RAP1GAP: variants seen among roughly 807,000 people sequenced by gnomAD.
The protein encoded by RAP1GAP is RAP1 GTPase activating protein.
RAP1GAP carries 35 observed loss-of-function variants against 87.2 expected under a neutral mutation model. The observed-to-expected ratio is 0.40, with a 90% confidence interval of 0.31 to 0.53. The LOEUF (loss-of-function observed/expected upper bound fraction) is 0.53, where lower values mean the gene tolerates loss of function less well. RAP1GAP is among the 20% of genes least tolerant of loss of function. The pLI, the probability that RAP1GAP is intolerant of heterozygous loss-of-function variation, is 0.48. For synonymous variants in RAP1GAP, 375 were observed against 363.9 expected (o/e 1.03, Z -0.35); for missense variants, 734 against 898.9 (o/e 0.82, Z 2.35).
chr1:21,605,138 C>G (rs1570520531), intron 18 of RAP1GAP, among the ~76,000 whole-genome samples: 3 of 152,098 alleles, frequency 2.0e-5, no homozygotes, highest in Admixed American at 6.5e-5. Flanking sequence ...AGGCAGTGGA[C>G]AGCAGTGAGG....
intron 2 of RAP1GAP, among the ~76,000 whole-genome samples, chr1:21,647,795 G>A (rs1460725843): frequency 6.6e-6 from 1 of 152,174 alleles, no homozygotes; most frequent in Non-Finnish European, 1.5e-5. Context: ...ATGGGGGTGT[G>A]GGGATCAAGA....
chr1:21,601,738 T>C lies in RAP1GAP; in HGVS notation c.1598A>G (p.Lys533Arg). Residue 533 changes from lysine (K) to arginine (R), a missense_variant, in exon 20 of 25, where the codon AAG (lysine) becomes AGG (arginine). Physicochemically the swap from Lys to Arg is conservative, Grantham distance 26. Around this residue, in one of 2 missense-constraint regions of RAP1GAP, gnomAD observed 249 missense variants for 252.7 expected, o/e 0.99. Transcript: ENST00000374765. ...PDSGHVSQEPKSENSSTQSSP... is the reference protein window; with the variant it reads ...PDSGHVSQEPRSENSSTQSSP... ...GCTCTGAGTGGATGAGTTCTCCGAC[T>C]TGGGCTCCTGTGAGACGTGCCCGCT... The C allele has an allele frequency of 1.2e-6, 2 of 1,612,368 alleles. No homozygotes were observed. Among genetic ancestry groups the C allele is most frequent in the Non-Finnish European group, 1.7e-6 (2 of 1,178,876 alleles).
Position 21,669,207 on chromosome 1 carries a change from G to A in RAP1GAP, c.-149+47C>T. ...AGCCGACGGGAGTCTGGACACCTCTGTCCCCTTCCCCTTTCCAGGGCCGCA... is the reference window on the plus strand; with the variant it reads ...AGCCGACGGGAGTCTGGACACCTCTATCCCCTTCCCCTTTCCAGGGCCGCA... On this transcript the variant is annotated intron_variant, in intron 1 of 24. Transcript: ENST00000374765. This position sits in a 1 kb window ranked among gnomAD's most constrained non-coding sequence, Gnocchi z 5.6. 1 of 1,251,168 alleles carries A rather than the reference G, an allele frequency of 8.0e-7. No individual in the cohort carries two copies. The highest frequency in any genetic ancestry group is 1.0e-6 in the Non-Finnish European group (1 of 972,936). 77.5% of individuals were successfully genotyped at this position (1,251,168 alleles called of 1,614,324 possible).
intron 21 of RAP1GAP, 149 bp from the exon 22 acceptor site, chr1:21,598,651 G>C (rs1386722736): frequency 3.0e-6 from 2 of 669,524 alleles, no homozygotes; most frequent in Non-Finnish European, 5.1e-6. Flanking sequence ...GTCTGCCCCA[G>C]GGAGACCACA....
rs1570460365 is a variant in RAP1GAP at position 21,602,731 on chromosome 1, C to T, written c.1538+73G>A. The T allele has an allele frequency of 1.1e-5, 15 of 1,364,160 alleles. No homozygotes were observed. In the Admixed American group the frequency reaches 2.2e-4, roughly 20 times the overall value. The allele number at this position is 1,364,160 out of a possible 1,614,324, so 84.5% of individuals were successfully genotyped here. ...AGGGGCGGGCACTCCCTTCTGCCTG[C>T]CTTGCTTTGCCACCGAATGGGGCTC... On this transcript the variant is annotated intron_variant, in intron 19 of 24. Coordinates refer to ENST00000374765, the MANE Select transcript of RAP1GAP (RefSeq NM_002885.4).
chr1:21,631,832 C>T (rs1254039451), intron 2 of RAP1GAP, among the ~76,000 whole-genome samples: 4 of 152,196 alleles, frequency 2.6e-5, no homozygotes, highest in Non-Finnish European at 5.9e-5. Flanking sequence ...AGATGTGACT[C>T]CAGTCCAGTG....
rs775565212 is a variant in RAP1GAP at position 21,613,014 on chromosome 1, C to G, written c.528+162G>C. On this transcript the variant is annotated intron_variant, in intron 10 of 24. Coordinates refer to ENST00000374765, the MANE Select transcript of RAP1GAP (RefSeq NM_002885.4). This position sits in a 1 kb window ranked among gnomAD's most constrained non-coding sequence, Gnocchi z 4.7. The stretch of plus-strand genomic sequence containing the variant: ...CCCTGGGGGAAGGCACAGGCCCTTT[C>G]GGTGGCTCCTCTTCTGCAAATTGTG... 18 of 765,182 alleles carry G rather than the reference C, an allele frequency of 2.4e-5. No individual in the cohort carries two copies. The highest frequency in any genetic ancestry group is 3.8e-5 in the Non-Finnish European group (17 of 449,328). The allele number at this position is 765,182 out of a possible 1,614,324, so 47.4% of individuals were successfully genotyped here. A position where few individuals can be genotyped will look rare whatever the true frequency, so the allele number is the denominator to read the frequency against.
At chr1:21,626,605 G>C (rs1442483458) in intron 2 of RAP1GAP, among the ~76,000 whole-genome samples, 1 of 152,192 alleles carries the variant, frequency 6.6e-6, no homozygotes, top group African/African-American at 2.4e-5. Flanking sequence ...CAGAGACGTG[G>C]ACAGGGTCTC....
At chr1:21,616,787 T>TTGGCTGCTGTATACCTGGTGCC (rs1553451931) in intron 7 of RAP1GAP, among the ~76,000 whole-genome samples, 2 of 152,240 alleles carry the variant, frequency 1.3e-5, no homozygotes, top group African/African-American at 4.8e-5. Context: ...GTCTATTGTG[T>TTGGCTGCTGTATACCTGGTGCC]TGGCTGCTGT....
rs2079935357 is a variant in RAP1GAP at position 21,613,650 on chromosome 1, G to A, written c.452C>T (p.Pro151Leu). 5.0e-6 allele frequency: 8 copies of A among 1,613,616 alleles called. No individual in the cohort carries two copies. In the South Asian group the frequency reaches 7.7e-5, roughly 16 times the overall value. ...CACCTTTGCCATCTGGACAACATTA[G>A]GGAACTCGGTGAGGCAGGAGATGGG... is the stretch of plus-strand genomic sequence containing the variant. ...VIPISCLTEF[P>L]NVVQMAKLVC... The change falls in exon 9 of 25, where the codon CCT becomes CTT. Residue 151 changes from proline to leucine, a missense_variant. Physicochemically the swap from Pro to Leu is moderately conservative, Grantham distance 98. This residue lies in a region of RAP1GAP where 485 missense variants were observed against 646.2 expected (regional missense o/e 0.75). Transcript: ENST00000374765. The surrounding 1 kb of genome is among the most constrained non-coding windows in gnomAD (Gnocchi z 4.7).
chr1:21,662,441 G>A (rs1050616900), intron 1 of RAP1GAP, among the ~76,000 whole-genome samples: 7 of 152,318 alleles, frequency 4.6e-5, no homozygotes, highest in Admixed American at 6.5e-5. Flanking sequence ...TTACACAGAC[G>A]TAGGGGGCCA....
intron 3 of RAP1GAP, among the ~76,000 whole-genome samples, chr1:21,620,721 G>A (rs1023574207): frequency 6.6e-6 from 1 of 152,138 alleles, no homozygotes; most frequent in African/African-American, 2.4e-5. Flanking sequence ...CGGCTGGCCC[G>A]GCTCGGGGCT....
In RAP1GAP at chr1:21,613,792, G is replaced by T. The variant is rs74060024; in HGVS notation, c.396-86C>A. 5,732 of 1,365,514 alleles carry T rather than the reference G, an allele frequency of 4.2e-3. 48 individuals carry two copies. Among genetic ancestry groups the T allele is most frequent in the African/African-American group, 0.023 (1,613 of 69,978 alleles). The allele number at this position is 1,365,514 out of a possible 1,614,324, so 84.6% of individuals were successfully genotyped here. On this transcript the variant is annotated intron_variant, in intron 8 of 24. Coordinates refer to ENST00000374765, the MANE Select transcript of RAP1GAP (RefSeq NM_002885.4). The surrounding 1 kb of genome is among the most constrained non-coding windows in gnomAD (Gnocchi z 4.7). ...ACCCCCCACAAAGTAAGGCCAGAAG[G>T]GGGTGGACCACAGCGAGGACCAGAG... is the stretch of plus-strand genomic sequence containing the variant.
intron 16 of RAP1GAP, 119 bp downstream of exon 16, chr1:21,608,731 C>G (rs1490823330): frequency 5.1e-6 from 5 of 987,968 alleles, no homozygotes; most frequent in Non-Finnish European, 7.9e-6. Context: ...CCATCCAGCC[C>G]CAGGTGTCCC....
At chr1:21,652,969 G>T (rs1239667625) in intron 1 of RAP1GAP, among the ~76,000 whole-genome samples, 3 of 152,198 alleles carry the variant, frequency 2.0e-5, no homozygotes, top group Non-Finnish European at 4.4e-5. Flanking sequence ...ATGCAGCCGG[G>T]GATGAGGGAG....
Position 21,623,904 on chromosome 1 carries a change from G to A in RAP1GAP, c.-19+2400C>T, listed in dbSNP as rs114993929. Among the ~76,000 whole-genome samples, 737 of 152,334 alleles carry A rather than the reference G, an allele frequency of 4.8e-3. 6 individuals are homozygous for A. The highest frequency in any genetic ancestry group is 0.017 in the African/African-American group (713 of 41,566). On this transcript the variant is annotated intron_variant, in intron 3 of 24. Transcript: ENST00000374765. Reference sequence around the variant, plus strand: ...GCATGGAAGGTGTGTGCACATATGCGTGCAGCCATGTGTGCGTGTGTGTGA... The same window carrying A: ...GCATGGAAGGTGTGTGCACATATGCATGCAGCCATGTGTGCGTGTGTGTGA...
In RAP1GAP at chr1:21,596,891, C is replaced by G. The variant is rs1645416407; in HGVS notation, c.*408G>C. The G allele has an allele frequency of 6.6e-6, 1 of 152,494 alleles. No homozygotes were observed. The highest frequency in any genetic ancestry group is 1.5e-5 in the Non-Finnish European group (1 of 68,194). The allele number at this position is 152,494 out of a possible 1,614,324, so 9.4% of individuals were successfully genotyped here. ...CCCCACATATCACATCCTCCTTGTG[C>G]TGCCTCCAGGGGCTAAGCTCTCCAC... On this transcript the variant is annotated 3_prime_UTR_variant, in exon 25 of 25. Coordinates refer to ENST00000374765, the MANE Select transcript of RAP1GAP (RefSeq NM_002885.4).
intron 1 of RAP1GAP, chr1:21,665,378 A>G: frequency 2.6e-6 from 1 of 384,070 alleles, no homozygotes; most frequent in Non-Finnish European, 5.5e-6. Context: ...GACACAAAGC[A>G]CCGGGCTGTG....
rs550802205 is a variant in RAP1GAP, at chr1:21,634,918, C to T, written c.-112-8521G>A. On this transcript the variant is annotated intron_variant, in intron 2 of 24. Coordinates refer to ENST00000374765, the MANE Select transcript of RAP1GAP (RefSeq NM_002885.4). This position sits in a 1 kb window ranked among gnomAD's most constrained non-coding sequence, Gnocchi z 4.1. ...AGGAGTGACTCTGAGATGACCCGGC[C>T]GCAGGGCCTCTTCCTGCCGGGCAAC... The T allele has an allele frequency of 8.5e-5, 15 of 177,304 alleles. No individual in the cohort carries two copies. The highest frequency in any genetic ancestry group is 1.4e-4 in the Non-Finnish European group (11 of 77,426). The allele number at this position is 177,304 out of a possible 1,614,324, so 11.0% of individuals were successfully genotyped here. A position where few individuals can be genotyped will look rare whatever the true frequency, so the allele number is the denominator to read the frequency against.
Sources: allele counts gnomAD v4.1 joint callset (sites outside exome capture counted in the v4.1 genomes callset), GRCh38; gene constraint gnomAD v4.1.1; regional missense constraint gnomAD v4.1.1; non-coding constraint Gnocchi (gnomAD v3.1); transcripts MANE v1.5; gene names NCBI Gene and HGNC (gene_info 2026-07-23, HGNC 2026-07-21).